The following ITGA11 variants were observed in gnomAD, a reference collection of about 807,000 sequenced individuals.
The protein encoded by ITGA11 is integrin alpha-11.
A neutral mutation model predicts 141.9 loss-of-function variants in ITGA11; 97 were observed. That is an observed-to-expected ratio of 0.68 (90% CI 0.58 to 0.81). The LOEUF (loss-of-function observed/expected upper bound fraction) is 0.81. Ranked by LOEUF, ITGA11 falls within the 30% of genes least tolerant of loss-of-function variation. The pLI, the probability that ITGA11 is intolerant of heterozygous loss-of-function variation, is 0.00. For missense variants in ITGA11, 1,387 were observed against 1,559.2 expected (o/e 0.89, Z 1.86); for synonymous variants, 658 against 624.6 (o/e 1.05, Z -0.80).
At chr15:68,323,747 A>G (rs1273664503) in intron 18 of ITGA11, among the ~76,000 whole-genome samples, 1 of 152,104 alleles carries the variant, frequency 6.6e-6, no homozygotes. Flanking sequence ...ATAAAAGCCC[A>G]TCCTCCCTGT....
At chr15:68,351,993 G>A (rs899194918) in intron 7 of ITGA11, among the ~76,000 whole-genome samples, 1 of 152,044 alleles carries the variant, frequency 6.6e-6, no homozygotes. Context: ...TGAGGCAGGA[G>A]AATTGCTTGA....
At position 68,307,599 on chromosome 15, in the gene ITGA11, C is replaced by T. The variant is rs1219439535; in HGVS notation, c.3272G>A (p.Arg1091Lys). ...GGCTCTACTTACTGCTTTTAGGGAC[C>T]TCAACCACAGGTTCCCCAGTAGATG... is the stretch of plus-strand genomic sequence containing the variant. Reference protein sequence around the residue: ...NFHLLGNLWLRSLKALKYKSM... With the variant: ...NFHLLGNLWLKSLKALKYKSM... The change falls in exon 27 of 30, where the codon AGG (arginine) becomes AAG (lysine). Residue 1091 changes from arginine (R) to lysine (K), a missense_variant. Arg to Lys is a conservative substitution (Grantham distance 26). Coordinates refer to ENST00000315757, the MANE Select transcript of ITGA11 (RefSeq NM_001004439.2). This position sits in a 1 kb window ranked among gnomAD's most constrained non-coding sequence, Gnocchi z 6.1. 6 of 1,612,528 alleles carry T rather than the reference C, an allele frequency of 3.7e-6. No individual in the cohort carries two copies. Among genetic ancestry groups the T allele is most frequent in the South Asian group, 2.2e-5 (2 of 90,884 alleles).
At chr15:68,327,970 C>G (rs547634863) in intron 16 of ITGA11, 126 bp downstream of exon 16, 485 of 864,136 alleles carry the variant, frequency 5.6e-4, no homozygotes, top group Non-Finnish European at 7.4e-4. Flanking sequence ...AGTAGTCATC[C>G]AAGGTGGCTC....
At chr15:68,312,724 T>A in intron 24 of ITGA11, 49 bp downstream of exon 24, 1 of 1,354,326 alleles carries the variant, frequency 7.4e-7, no homozygotes, top group Admixed American at 1.7e-5. Context: ...AGGATGGGGG[T>A]GCTCAGATCC....
intron 15 of ITGA11, among the ~76,000 whole-genome samples, chr15:68,330,486 CTTTT>C (rs34407903): frequency 2.1e-5 from 3 of 140,956 alleles, no homozygotes; most frequent in Non-Finnish European, 3.1e-5. Flanking sequence ...TACTCAAGGT[CTTTT>C]TTTTTTTTTG....
Position 68,432,050 on chromosome 15 carries a change from C to T in ITGA11, c.17G>A (p.Gly6Asp). MDLPR[G>D]LVVAWALSLW... ...GCTGAGCGCCCAGGCCACCACCAGG[C>T]CCCTGGGCAGGTCCATGGCCCGCGG... The change falls in exon 1 of 30, where the codon GGC becomes GAC. Residue 6 changes from glycine to aspartate, a missense_variant. By Grantham distance (94) the Gly-to-Asp change is moderately conservative (BLOSUM62 -1). Transcript: ENST00000315757. The T allele has an allele frequency of 7.4e-7, 1 of 1,359,932 alleles. No individual in the cohort carries two copies. Among genetic ancestry groups the T allele is most frequent in the Non-Finnish European group, 9.5e-7 (1 of 1,056,880 alleles). The allele number at this position is 1,359,932 out of a possible 1,614,324, so 84.2% of individuals were successfully genotyped here. A position where few individuals can be genotyped will look rare whatever the true frequency, so the allele number is the denominator to read the frequency against.
intron 1 of ITGA11, among the ~76,000 whole-genome samples, chr15:68,414,388 C>CA (rs1896841390): frequency 3.9e-5 from 6 of 152,174 alleles, no homozygotes; most frequent in Admixed American, 2.0e-4. Flanking sequence ...ACAGCTGGTT[C>CA]CAGGACTCAG....
At chr15:68,311,525 A>G (rs1893384591) in intron 24 of ITGA11, 122 bp from the exon 25 acceptor site, 2 of 668,460 alleles carry the variant, frequency 3.0e-6, no homozygotes, top group Admixed American at 2.3e-5. Context: ...AAAAAGGCCC[A>G]CTCAAGACCC....
rs143871740 is a variant in ITGA11 at position 68,359,270 on chromosome 15, G to C, written c.473-685C>G. 2.8e-3 allele frequency among the ~76,000 whole-genome samples: 429 copies of C among 152,254 alleles called. 4 individuals are homozygous for C. The highest frequency in any genetic ancestry group is 0.01 in the African/African-American group (417 of 41,550). Reference sequence around the variant, plus strand: ...TTTAAGGAAACCACTGAGTTAATATGGTACTGATATCATCAGGTCAAGCTC... The same window carrying C: ...TTTAAGGAAACCACTGAGTTAATATCGTACTGATATCATCAGGTCAAGCTC... On this transcript the variant is annotated intron_variant, in intron 5 of 29. Transcript: ENST00000315757.
intron 7 of ITGA11, among the ~76,000 whole-genome samples, chr15:68,353,543 G>A (rs1894978391): frequency 6.6e-6 from 1 of 152,154 alleles, no homozygotes; most frequent in Non-Finnish European, 1.5e-5. Flanking sequence ...AAAATGTCAG[G>A]ATCATATTTC....
chr15:68,367,744 T>C lies in ITGA11; in HGVS notation c.265+1440A>G, dbSNP rs149398869. On this transcript the variant is annotated intron_variant, in intron 3 of 29. Transcript: ENST00000315757. ...TAAAGGTTCGGAAACAGATTAGACC[T>C]GGAATGGATCCTAAGGGTTGTCGAG... Among the ~76,000 whole-genome samples, 440 of 152,340 alleles carry C rather than the reference T, an allele frequency of 2.9e-3. 5 individuals carry two copies. Among genetic ancestry groups the C allele is most frequent in the African/African-American group, 0.01 (416 of 41,582 alleles).
At chr15:68,408,087 T>C (rs1268293997) in intron 1 of ITGA11, among the ~76,000 whole-genome samples, 1 of 152,212 alleles carries the variant, frequency 6.6e-6, no homozygotes, top group African/African-American at 2.4e-5. Flanking sequence ...AGCCTTGTCT[T>C]GTGTGAGTTT....
chr15:68,309,815 T>C (rs1400904428), intron 26 of ITGA11, among the ~76,000 whole-genome samples: 3 of 152,090 alleles, frequency 2.0e-5, no homozygotes, highest in Admixed American at 2.0e-4. Flanking sequence ...GGTCTCGAGC[T>C]CCTGACCTCA....
intron 2 of ITGA11, among the ~76,000 whole-genome samples, chr15:68,399,738 G>A (rs975516246): frequency 6.6e-6 from 1 of 152,034 alleles, no homozygotes; most frequent in Non-Finnish European, 1.5e-5. Context: ...TTATAAGTGG[G>A]AGCGAAACAC....
At chr15:68,381,831 T>C (rs556397598) in intron 2 of ITGA11, among the ~76,000 whole-genome samples, 10 of 152,172 alleles carry the variant, frequency 6.6e-5, no homozygotes, top group Non-Finnish European at 1.2e-4. Flanking sequence ...GCTGGGATTA[T>C]AGACGTGAGC....
chr15:68,372,362 T>C (rs977702354), intron 2 of ITGA11, among the ~76,000 whole-genome samples: 1 of 152,010 alleles, frequency 6.6e-6, no homozygotes, highest in Non-Finnish European at 1.5e-5. Context: ...TACAGCCTTC[T>C]GCAGCCTCAG....
At chr15:68,431,056 G>C (rs1415781683) in intron 1 of ITGA11, among the ~76,000 whole-genome samples, 1 of 152,258 alleles carries the variant, frequency 6.6e-6, no homozygotes, top group African/African-American at 2.4e-5. Context: ...TAACCGAGGC[G>C]CTGGCCCTTG....
chr15:68,364,606 G>T, intron 4 of ITGA11, 101 bp downstream of exon 4: 2 of 900,766 alleles, frequency 2.2e-6, no homozygotes, highest in Non-Finnish European at 3.6e-6. Flanking sequence ...GGGGAGAGTG[G>T]GTGTACAGGA....
rs942873925 is a variant in ITGA11 at position 68,367,269 on chromosome 15, G to A, written c.265+1915C>T. 3.3e-5 allele frequency among the ~76,000 whole-genome samples: 5 copies of A among 152,122 alleles called. No individual in the cohort carries two copies. In the East Asian group the frequency reaches 5.8e-4, roughly 18 times the overall value. On this transcript the variant is annotated intron_variant, in intron 3 of 29. Transcript: ENST00000315757. ...AAAAAAGATTGGTTCACGAATCCAC[G>A]TCCCTGCCTGGACCAGGAGCTTCTC...
Sources: gnomAD v4.1 joint callset for allele counts (sites outside exome capture counted in the v4.1 genomes callset) on GRCh38, gnomAD v4.1.1 for gene constraint, Gnocchi (gnomAD v3.1) non-coding constraint, MANE v1.5 for transcripts, NCBI Gene and HGNC (gene_info 2026-07-23, HGNC 2026-07-21) for gene names.